ATP8A1: variants seen among roughly 807,000 people sequenced by gnomAD.
ATP8A1 encodes phospholipid-transporting ATPase IA.
In ATP8A1, 90 loss-of-function variants were observed where a neutral mutation model predicts 177.7. The ratio of observed to expected loss-of-function variants is 0.51; its 90% CI spans 0.43 to 0.60. The LOEUF (loss-of-function observed/expected upper bound fraction) is 0.60, where lower values mean the gene tolerates loss of function less well. ATP8A1 is among the 20% of genes least tolerant of loss of function. The pLI is 0.00. For missense variants in ATP8A1, 1,072 were observed against 1,392.8 expected (o/e 0.77, Z 3.67); for synonymous variants, 493 against 485.9 (o/e 1.01, Z -0.19).
chr4:42,507,800 A>AC (rs1240426477), intron 22 of ATP8A1, among the ~76,000 whole-genome samples: 18 of 146,094 alleles, frequency 1.2e-4, no homozygotes, highest in East Asian at 6.0e-4. Context: ...AAAAAAAAAA[A>AC]AAAAAAAAAC....
At chr4:42,633,530 C>T (rs569468614) in intron 1 of ATP8A1, among the ~76,000 whole-genome samples, 2 of 152,106 alleles carry the variant, frequency 1.3e-5, no homozygotes, top group African/African-American at 4.8e-5. Flanking sequence ...TTCTCAGGGA[C>T]TTATTTTCTA....
chr4:42,626,554 C>T lies in ATP8A1; in HGVS notation c.164+441G>A, dbSNP rs192243441. Reference sequence around the variant, plus strand: ...GTGCAGTGAAGTAATTCGCACAGCCCTCCATTCCTCCACACCATACTAAAC... The same window carrying T: ...GTGCAGTGAAGTAATTCGCACAGCCTTCCATTCCTCCACACCATACTAAAC... On this transcript the variant is annotated intron_variant, in intron 2 of 36. Transcript: ENST00000381668. The T allele has an allele frequency of 3.1e-4, 55 of 175,936 alleles. 1 individual carries two copies. The highest frequency in any genetic ancestry group is 1.3e-3 in the African/African-American group (54 of 41,768). 10.9% of individuals were successfully genotyped at this position (175,936 alleles called of 1,614,324 possible).
At chr4:42,470,133 G>A (rs1457346366) in intron 25 of ATP8A1, among the ~76,000 whole-genome samples, 1 of 152,180 alleles carries the variant, frequency 6.6e-6, no homozygotes, top group Non-Finnish European at 1.5e-5. Flanking sequence ...AAAAGACTAC[G>A]TATCCAATGT....
At chr4:42,561,940 G>T (rs978424222) in intron 15 of ATP8A1, 3 of 152,184 alleles carry the variant, frequency 2.0e-5, no homozygotes, top group Admixed American at 6.5e-5. Context: ...ACACCTGAAG[G>T]TATTATAATG....
chr4:42,460,379 C>CT (rs35296572), intron 27 of ATP8A1, among the ~76,000 whole-genome samples: 12,902 of 94,532 alleles, frequency 0.14, 1,586 homozygotes, highest in East Asian at 0.2. Context: ...ATGGATGGAT[C>CT]TTTTTTTTTT....
At chr4:42,495,595 T>A (rs1578048822) in intron 24 of ATP8A1, among the ~76,000 whole-genome samples, 1 of 137,536 alleles carries the variant, frequency 7.3e-6, no homozygotes, top group Non-Finnish European at 1.6e-5. Flanking sequence ...AAACTTATTT[T>A]AAAAAATTGT....
intron 33 of ATP8A1, among the ~76,000 whole-genome samples, chr4:42,429,379 G>GTT (rs1187879757): frequency 6.9e-6 from 1 of 145,244 alleles, no homozygotes; most frequent in African/African-American, 2.4e-5. Flanking sequence ...GGAAATAAAA[G>GTT]TGTTTTGTTT....
At chr4:42,440,764 C>T (rs1477685536) in intron 33 of ATP8A1, among the ~76,000 whole-genome samples, 3 of 152,128 alleles carry the variant, frequency 2.0e-5, no homozygotes, top group Admixed American at 1.3e-4. Flanking sequence ...CAGTCAACGT[C>T]CCTTTAGAAC....
At chr4:42,622,274 C>T (rs2345652) in intron 4 of ATP8A1, among the ~76,000 whole-genome samples, 34,110 of 151,104 alleles carry the variant, frequency 0.23, 4,317 homozygotes, top group Non-Finnish European at 0.29. Context: ...CCCAGCTACT[C>T]GGGAGGCTGA....
intron 5 of ATP8A1, among the ~76,000 whole-genome samples, chr4:42,609,032 G>A (rs1037157793): frequency 6.6e-6 from 1 of 152,148 alleles, no homozygotes; most frequent in Non-Finnish European, 1.5e-5. Context: ...TGAACCATTA[G>A]TGTCCACTGA....
At chr4:42,564,115 T>C (rs541117713) in intron 15 of ATP8A1, among the ~76,000 whole-genome samples, 6 of 152,248 alleles carry the variant, frequency 3.9e-5, no homozygotes, top group East Asian at 1.9e-4. Context: ...GCGGGGAAAA[T>C]TGAGGTTTGG....
Position 42,578,302 on chromosome 4 carries a change from T to C in ATP8A1, c.1086A>G (p.Thr362=). 6 of 1,611,510 alleles carry C rather than the reference T, an allele frequency of 3.7e-6. No homozygotes were observed. Among genetic ancestry groups the C allele is most frequent in the Non-Finnish European group, 5.1e-6 (6 of 1,178,636 alleles). ...NNLIPISLLV[T]LEVVKFTQAY... is the part of the protein sequence containing the mutation. ...CCTGGGTAAATTTCACAACTTCTAA[T>C]GTAACCAATAAGCTGATAGGAATGA... Residue 362 remains threonine, a synonymous_variant, in exon 12 of 37, where the codon ACA becomes ACG. Transcript: ENST00000381668.
intron 6 of ATP8A1, among the ~76,000 whole-genome samples, chr4:42,592,530 A>T (rs1259912884): frequency 6.6e-6 from 1 of 152,186 alleles, no homozygotes; most frequent in East Asian, 1.9e-4. Context: ...TCATTCTATA[A>T]TTATGTCTCT....
At chr4:42,593,171 A>G (rs1045743068) in intron 6 of ATP8A1, among the ~76,000 whole-genome samples, 1 of 152,074 alleles carries the variant, frequency 6.6e-6, no homozygotes, top group Non-Finnish European at 1.5e-5. Context: ...CCCTAAAGAG[A>G]GCTCTTTCTA....
At chr4:42,605,181 C>A (rs757454243) in intron 5 of ATP8A1, among the ~76,000 whole-genome samples, 1 of 152,116 alleles carries the variant, frequency 6.6e-6, no homozygotes, top group Non-Finnish European at 1.5e-5. Context: ...TGAACTATAA[C>A]TGAATTAAAA....
chr4:42,571,091 A>G (rs1010026392), intron 14 of ATP8A1, among the ~76,000 whole-genome samples: 1 of 152,198 alleles, frequency 6.6e-6, no homozygotes, highest in African/African-American at 2.4e-5. Flanking sequence ...AATGGAGTTG[A>G]CTAGAATTTA....
At chr4:42,590,116 C>T (rs758248274) in intron 7 of ATP8A1, among the ~76,000 whole-genome samples, 6 of 152,048 alleles carry the variant, frequency 3.9e-5, no homozygotes, top group Non-Finnish European at 5.9e-5. Flanking sequence ...ACAAACTAGT[C>T]AAGAGAGGCA....
At chr4:42,605,862 C>T (rs891458787) in intron 5 of ATP8A1, among the ~76,000 whole-genome samples, 1 of 152,164 alleles carries the variant, frequency 6.6e-6, no homozygotes, top group African/African-American at 2.4e-5. Context: ...CTTTTAAATA[C>T]ATATTCAATG....
intron 27 of ATP8A1, among the ~76,000 whole-genome samples, chr4:42,459,879 C>A (rs550469649): frequency 3.0e-4 from 45 of 152,172 alleles, no homozygotes; most frequent in African/African-American, 9.9e-4. Flanking sequence ...GCAAGCTCCA[C>A]CTCCCGGGTT....
Sources: allele counts gnomAD v4.1 joint callset (sites outside exome capture counted in the v4.1 genomes callset), GRCh38; gene constraint gnomAD v4.1.1; transcripts MANE v1.5; gene names NCBI Gene and HGNC (gene_info 2026-07-23, HGNC 2026-07-21).